The following NCR2 variants were observed in gnomAD, a reference collection of about 807,000 sequenced individuals.
NCR2 encodes the protein natural cytotoxicity triggering receptor 2, also known as NK cell activating receptor (NKp44).
Under a neutral mutation model 30.7 loss-of-function variants are expected in NCR2, and 35 were observed. The observed-to-expected ratio is 1.14, with a 90% CI of 0.87 to 1.51. NCR2 has a LOEUF of 1.51. NCR2 is among the 40% of genes most tolerant of loss of function. NCR2 has a pLI of 0.00. For missense variants in NCR2, 316 were observed against 328.9 expected, an observed-to-expected ratio of 0.96 and a Z score of 0.30; for synonymous variants, 146 against 134.8, an observed-to-expected ratio of 1.08 and a Z score of -0.58.
Position 41,335,704 on chromosome 6 carries a change from T to G in NCR2, c.-173T>G, listed in dbSNP as rs1581657454. On this transcript the variant is annotated 5_prime_UTR_variant, in exon 1 of 5. Transcript: ENST00000373089. ...ACAGCTGGAGATCCCCACTTCCCTG[T>G]GCCCACAGAATCTGCCCTTTGCAGT... 1.7e-5 allele frequency: 12 copies of G among 720,992 alleles called. No homozygotes were observed. The East Asian group carries it at 2.4e-4, about 15-fold the overall frequency. 44.7% of individuals were successfully genotyped at this position (720,992 alleles called of 1,614,324 possible). A position where few individuals can be genotyped will look rare whatever the true frequency, so the allele number is the denominator to read the frequency against.
At chr6:41,343,420 C>T (rs576771193) in intron 4 of NCR2, among the ~76,000 whole-genome samples, 1 of 152,330 alleles carries the variant, frequency 6.6e-6, no homozygotes, top group South Asian at 2.1e-4. Flanking sequence ...TTCCCAGTTG[C>T]AGTGAGCCAT....
chr6:41,341,733 T>G lies in NCR2; in HGVS notation c.395-61T>G. 3 of 1,547,148 alleles carry G rather than the reference T, an allele frequency of 1.9e-6. No homozygotes were observed. In the South Asian group the frequency reaches 3.6e-5, roughly 19 times the overall value. On this transcript the variant is annotated intron_variant, in intron 2 of 4. Transcript: ENST00000373089. ...GTCCAACTCCCCCATCCAGCTCTCC[T>G]GCCGGCAGGCACAAGTGAGGTCTCC... is the stretch of plus-strand genomic sequence containing the variant.
intron 2 of NCR2, among the ~76,000 whole-genome samples, chr6:41,339,895 C>A (rs1769128532): frequency 6.6e-6 from 1 of 152,132 alleles, no homozygotes; most frequent in South Asian, 2.1e-4. Flanking sequence ...TCAGTTCTAC[C>A]ATCTTCATCT....
chr6:41,346,663 A>G lies in NCR2; in HGVS notation c.645-4015A>G, dbSNP rs1769306231. The stretch of plus-strand genomic sequence containing the variant: ...GGCTGTGGCTGACAAAATACAATCT[A>G]TCATCCCGAAATGTCTCACTGTCAG... On this transcript the variant is annotated intron_variant, in intron 4 of 4. Transcript: ENST00000373089. 2.0e-5 allele frequency among the ~76,000 whole-genome samples: 3 copies of G among 152,118 alleles called. 1 individual carries two copies. In the South Asian group the frequency reaches 6.2e-4, roughly 32 times the overall value.
chr6:41,335,890 C>G lies in NCR2; in HGVS notation c.14C>G (p.Ala5Gly). ...GAAAAGGACCACATGGCCTGGCGAG[C>G]CCTACACCCACTGCTACTGCTGCTG... The part of the protein sequence containing the change: MAWR[A>G]LHPLLLLLLL... The change falls in exon 1 of 5, where the codon GCC becomes GGC. Residue 5 changes from alanine (A) to glycine (G), a missense_variant. Coordinates refer to ENST00000373089, the MANE Select transcript of NCR2 (RefSeq NM_004828.4). 1 of 1,566,376 alleles carries G rather than the reference C, an allele frequency of 6.4e-7. No homozygotes were observed. The highest frequency in any genetic ancestry group is 1.9e-5 in the Admixed American group (1 of 52,552).
intron 4 of NCR2, among the ~76,000 whole-genome samples, chr6:41,349,093 A>T (rs1430461305): frequency 6.8e-6 from 1 of 146,832 alleles, no homozygotes; most frequent in African/African-American, 2.5e-5. Flanking sequence ...ATATTTTATA[A>T]ATTTTTTATA....
In NCR2 at chr6:41,350,737, C is replaced by T. The variant is rs989814247; in HGVS notation, c.704C>T (p.Thr235Ile). ...AGGAGCCTGGATACCCAAAAAGCCA[C>T]CTGCCACCTTCAACAGGTCACGGAC... ...ELRSLDTQKATCHLQQVTDLP... is the reference protein window; with the variant it reads ...ELRSLDTQKAICHLQQVTDLP... The change falls in exon 5 of 5, where the codon ACC becomes ATC. Residue 235 changes from threonine to isoleucine, a missense_variant. Coordinates refer to ENST00000373089, the MANE Select transcript of NCR2 (RefSeq NM_004828.4). The T allele has an allele frequency of 1.2e-6, 2 of 1,613,920 alleles. No individual in the cohort carries two copies. Among genetic ancestry groups the T allele is most frequent in the Non-Finnish European group, 1.7e-6 (2 of 1,179,774 alleles).
chr6:41,350,779 T>G lies in NCR2; in HGVS notation c.746T>G (p.Val249Gly). ...QQVTDLPWTSVSSPVEREILY... is the reference protein window; with the variant it reads ...QQVTDLPWTSGSSPVEREILY... ...GTCACGGACCTTCCCTGGACCTCAG[T>G]TTCCTCACCTGTAGAGAGAGAAATA... The change falls in exon 5 of 5, where the codon GTT (valine) becomes GGT (glycine). Residue 249 changes from valine to glycine, a missense_variant. Val to Gly is a moderately radical substitution (Grantham distance 109). Transcript: ENST00000373089. 4 of 1,489,124 alleles carry G rather than the reference T, an allele frequency of 2.7e-6. No individual in the cohort carries two copies. The highest frequency in any genetic ancestry group is 2.8e-6 in the Non-Finnish European group (3 of 1,065,982). 92.2% of individuals were successfully genotyped at this position (1,489,124 alleles called of 1,614,324 possible). A position where few individuals can be genotyped will look rare whatever the true frequency, so the allele number is the denominator to read the frequency against.
intron 4 of NCR2, among the ~76,000 whole-genome samples, chr6:41,344,788 C>G (rs763622205): frequency 6.6e-6 from 1 of 152,232 alleles, no homozygotes; most frequent in African/African-American, 2.4e-5. Flanking sequence ...TTCTGGAAAC[C>G]TTTGCCGCTT....
In NCR2 at chr6:41,335,637, G is replaced by A; in HGVS notation, c.-240G>A. ...ATCTTCTACAGAGGCCTGGGAAGCT[G>A]TGTGCCAGACAGCGCCGAGCCCACC... is the stretch of plus-strand genomic sequence containing the variant. On this transcript the variant is annotated 5_prime_UTR_variant, in exon 1 of 5. The change creates a new upstream start codon in the 5' untranslated region. Transcript: ENST00000373089. 1 of 555,010 alleles carries A rather than the reference G, an allele frequency of 1.8e-6. No homozygotes were observed. Among genetic ancestry groups the A allele is most frequent in the Non-Finnish European group, 3.2e-6 (1 of 308,504 alleles). The allele number at this position is 555,010 out of a possible 1,614,324, so 34.4% of individuals were successfully genotyped here. A position where few individuals can be genotyped will look rare whatever the true frequency, so the allele number is the denominator to read the frequency against.
intron 4 of NCR2, among the ~76,000 whole-genome samples, chr6:41,347,956 G>A (rs942860903): frequency 6.6e-6 from 1 of 152,206 alleles, no homozygotes; most frequent in Non-Finnish European, 1.5e-5. Context: ...AACTTCCCAA[G>A]TGTGACTGAT....
In NCR2 at chr6:41,335,742, C is replaced by G; in HGVS notation, c.-135C>G. 1 of 1,009,224 alleles carries G rather than the reference C, an allele frequency of 9.9e-7. No individual in the cohort carries two copies. Among genetic ancestry groups the G allele is most frequent in the Non-Finnish European group, 1.5e-6 (1 of 657,168 alleles). 62.5% of individuals were successfully genotyped at this position (1,009,224 alleles called of 1,614,324 possible). A position where few individuals can be genotyped will look rare whatever the true frequency, so the allele number is the denominator to read the frequency against. On this transcript the variant is annotated 5_prime_UTR_variant, in exon 1 of 5. Coordinates refer to ENST00000373089, the MANE Select transcript of NCR2 (RefSeq NM_004828.4). ...TGCCCTTTGCAGTCTCCCATCTCCCCAACCCAGGCCTCAGCCTGTCTCATT... is the reference window on the plus strand; with the variant it reads ...TGCCCTTTGCAGTCTCCCATCTCCCGAACCCAGGCCTCAGCCTGTCTCATT...
rs559644260 is a variant in NCR2 at position 41,342,860 on chromosome 6, G to A, written c.644+711G>A. On this transcript the variant is annotated intron_variant, in intron 4 of 4. Coordinates refer to ENST00000373089, the MANE Select transcript of NCR2 (RefSeq NM_004828.4). ...TGGAGGAGGGGCAGGCTTGGGGAAAGGGACAGGGTGTGAGAACGGATTCAA... is the reference window on the plus strand; with the variant it reads ...TGGAGGAGGGGCAGGCTTGGGGAAAAGGACAGGGTGTGAGAACGGATTCAA... 1.6e-5 allele frequency: 24 copies of A among 1,468,464 alleles called. No individual in the cohort carries two copies. In the South Asian group the frequency reaches 2.9e-4, roughly 18 times the overall value. The allele number at this position is 1,468,464 out of a possible 1,614,324, so 91.0% of individuals were successfully genotyped here.
chr6:41,347,070 C>A (rs1042228050), intron 4 of NCR2, among the ~76,000 whole-genome samples: 1 of 152,164 alleles, frequency 6.6e-6, no homozygotes, highest in African/African-American at 2.4e-5. Flanking sequence ...AATATTCCAG[C>A]CGAGCATGGA....
At chr6:41,342,967 C>T (rs142955741) in intron 4 of NCR2, 16,285 of 1,550,570 alleles carry the variant, frequency 0.011, 439 homozygotes, top group South Asian at 0.088. Flanking sequence ...TCTGCTGCAC[C>T]CAGCTCAGCC....
intron 4 of NCR2, among the ~76,000 whole-genome samples, chr6:41,344,368 G>T (rs768470012): frequency 6.6e-6 from 1 of 152,102 alleles, no homozygotes; most frequent in Non-Finnish European, 1.5e-5. Context: ...AGATCACTCC[G>T]TGCCTTGCCC....
rs568253610 is a variant in NCR2 at position 41,336,691 on chromosome 6, T to G, written c.394+263T>G. ...GAGCATGCTGACCAGTCAGCCTATA[T>G]GACCCTGCTACAGGAGGGCAGGACC... On this transcript the variant is annotated intron_variant, in intron 2 of 4. Transcript: ENST00000373089. 5.9e-5 allele frequency among the ~76,000 whole-genome samples: 9 copies of G among 152,250 alleles called. No homozygotes were observed. The South Asian group carries it at 1.9e-3, about 32-fold the overall frequency.
chr6:41,347,674 CA>C (rs886506789), intron 4 of NCR2, among the ~76,000 whole-genome samples: 1 of 152,200 alleles, frequency 6.6e-6, no homozygotes, highest in African/African-American at 2.4e-5. Context: ...AAATTAGCCC[CA>C]AAACGTAGTA....
At chr6:41,346,455 G>A (rs1049257860) in intron 4 of NCR2, among the ~76,000 whole-genome samples, 5 of 151,254 alleles carry the variant, frequency 3.3e-5, no homozygotes, top group African/African-American at 7.3e-5. Flanking sequence ...GCCCCTTTCC[G>A]CCATCTCACC....
Sources: gnomAD v4.1 joint callset for allele counts (sites outside exome capture counted in the v4.1 genomes callset) on GRCh38, gnomAD v4.1.1 for gene constraint, MANE v1.5 for transcripts, NCBI Gene and HGNC (gene_info 2026-07-23, HGNC 2026-07-21) for gene names.